PGPEP1L: variants seen among roughly 807,000 people sequenced by gnomAD.
PGPEP1L encodes the protein pyroglutamyl-peptidase I like.
In PGPEP1L, 7 loss-of-function variants were observed where a neutral mutation model predicts 6.0. That is an observed-to-expected ratio of 1.17 (90% CI 0.66 to 2.19). The LOEUF (loss-of-function observed/expected upper bound fraction) is 2.19. Among genes scored for constraint, PGPEP1L ranks in the 30% most tolerant of loss-of-function variants. The pLI is 0.00. For synonymous variants in PGPEP1L, 103 were observed against 83.9 expected (o/e 1.23, Z -1.24); for missense variants, 209 against 192.5 (o/e 1.09, Z -0.51).
chr15:98,970,611 C>G (rs2017479732), intron 3 of PGPEP1L, among the ~76,000 whole-genome samples: 1 of 152,118 alleles, frequency 6.6e-6, no homozygotes. Flanking sequence ...ATAAAATGGG[C>G]TCGTGCTATG....
chr15:98,985,973 A>G (rs930004418), intron 2 of PGPEP1L, among the ~76,000 whole-genome samples: 3 of 152,032 alleles, frequency 2.0e-5, no homozygotes, highest in East Asian at 1.9e-4. Context: ...GCTTTCTTCC[A>G]TATGTTTTTC....
At chr15:98,991,594 C>T (rs1451627450) in intron 2 of PGPEP1L, among the ~76,000 whole-genome samples, 1 of 152,162 alleles carries the variant, frequency 6.6e-6, no homozygotes, top group Non-Finnish European at 1.5e-5. Context: ...TCCTCCCTAA[C>T]TCATTTTAGG....
intron 2 of PGPEP1L, among the ~76,000 whole-genome samples, chr15:98,994,491 T>TA (rs1378331898): frequency 6.7e-6 from 1 of 148,436 alleles, no homozygotes; most frequent in Non-Finnish European, 1.5e-5. Flanking sequence ...TTGCCTCTAA[T>TA]AAAAAATAAA....
Position 98,968,664 on chromosome 15 carries a change from C to G in PGPEP1L, c.243G>C (p.Leu81=). 6.3e-7 allele frequency: 1 copy of G among 1,586,006 alleles called. No homozygotes were observed. Among genetic ancestry groups the G allele is most frequent in the Non-Finnish European group, 8.6e-7 (1 of 1,165,646 alleles). ...GTGCCGCGCAGCCCTTTCCATGATG[C>G]AGAGACAGGTAATAGGTATAATCAC... is the stretch of plus-strand genomic sequence containing the variant. ...YVCDYTYYLS[L]HHGKGCAALI... The change falls in exon 5 of 5, where the codon CTG becomes CTC. Residue 81 remains leucine (L), a synonymous_variant. Transcript: ENST00000535714.
rs78254881 is a variant in PGPEP1L at position 98,969,648 on chromosome 15, C to T, written c.-15G>A. 1.9e-3 allele frequency: 3,125 copies of T among 1,610,754 alleles called. 51 individuals carry two copies. The African/African-American group carries it at 0.034, about 18-fold the overall frequency. On this transcript the variant is annotated 5_prime_UTR_variant, in exon 4 of 5. Transcript: ENST00000535714. ...GCGGTGTCCATGCCCACATGCACGA[C>T]GAGCTGTGTGAACGGGTAACAGCAG...
chr15:98,987,516 C>T (rs916342656), intron 2 of PGPEP1L, among the ~76,000 whole-genome samples: 46 of 152,104 alleles, frequency 3.0e-4, no homozygotes, highest in African/African-American at 9.7e-4. Flanking sequence ...CAGTATCCAG[C>T]GGCATGGGGA....
At chr15:99,001,593 AC>A (rs540625982) in intron 2 of PGPEP1L, among the ~76,000 whole-genome samples, 41 of 152,328 alleles carry the variant, frequency 2.7e-4, no homozygotes, top group African/African-American at 9.9e-4. Flanking sequence ...TAGTTTAAAA[AC>A]TTTTTATAAT....
At chr15:98,988,078 G>A (rs1219743818) in intron 2 of PGPEP1L, among the ~76,000 whole-genome samples, 5 of 152,198 alleles carry the variant, frequency 3.3e-5, no homozygotes, top group African/African-American at 9.7e-5. Flanking sequence ...CAGACACCGA[G>A]CTAGCTGCAG....
rs146636544 is a variant in PGPEP1L at position 98,985,310 on chromosome 15, G to A, written c.-141-14152C>T. Among the ~76,000 whole-genome samples the A allele has an allele frequency of 7.4e-3, 1,126 of 152,236 alleles. 13 individuals are homozygous for A. The highest frequency in any genetic ancestry group is 0.02 in the African/African-American group (844 of 41,558). On this transcript the variant is annotated intron_variant, in intron 2 of 4. Coordinates refer to ENST00000535714, the MANE Select transcript of PGPEP1L (RefSeq NM_001167902.2). ...TCCTAGCACTTTGGGAGGCCAAGGC[G>A]GGAGGATCACCTGAGGTTAGGGGTT... is the stretch of plus-strand genomic sequence containing the variant.
At chr15:98,992,521 C>G (rs1252091318) in intron 2 of PGPEP1L, among the ~76,000 whole-genome samples, 1 of 152,176 alleles carries the variant, frequency 6.6e-6, no homozygotes, top group Non-Finnish European at 1.5e-5. Context: ...GGCCATACTG[C>G]CCAAAGTAAT....
Position 98,995,658 on chromosome 15 carries a change from TG to T in PGPEP1L, c.-142+9770del, listed in dbSNP as rs1268206535. Among the ~76,000 whole-genome samples the T allele has an allele frequency of 1.1e-4, 17 of 152,256 alleles. 1 individual carries two copies. Among genetic ancestry groups the T allele is most frequent in the Admixed American group, 1.0e-3 (16 of 15,282 alleles). ...TTGCAGTGAGCCAAGATGGCACCAC[TG>T]CACTCCAGCCTGGGCGACAGAGCTA... On this transcript the variant is annotated intron_variant, in intron 2 of 4. Transcript: ENST00000535714.
intron 2 of PGPEP1L, among the ~76,000 whole-genome samples, chr15:98,984,629 C>T: frequency 6.6e-6 from 1 of 151,438 alleles, no homozygotes; most frequent in East Asian, 1.9e-4. Context: ...ATTATACCTA[C>T]TATGGACACT....
intron 1 of PGPEP1L, among the ~76,000 whole-genome samples, chr15:99,006,276 G>C (rs1419285828): frequency 6.6e-6 from 1 of 152,198 alleles, no homozygotes; most frequent in Non-Finnish European, 1.5e-5. Flanking sequence ...CACCTAGCTA[G>C]CGTCTGTGCA....
At chr15:98,991,695 A>G (rs963015139) in intron 2 of PGPEP1L, among the ~76,000 whole-genome samples, 4 of 152,228 alleles carry the variant, frequency 2.6e-5, no homozygotes, top group Admixed American at 2.6e-4. Context: ...CATTGATGCA[A>G]AAATCCTCAA....
intron 2 of PGPEP1L, among the ~76,000 whole-genome samples, chr15:99,001,781 G>C (rs2017975443): frequency 6.6e-6 from 1 of 152,140 alleles, no homozygotes; most frequent in East Asian, 1.9e-4. Flanking sequence ...GCAGTGGTGT[G>C]ATCTCAGCTC....
chr15:99,001,183 T>C, intron 2 of PGPEP1L: 2 of 437,780 alleles, frequency 4.6e-6, no homozygotes, highest in Non-Finnish European at 9.2e-6. Context: ...ACTGTAACAC[T>C]CACCACGAGA....
intron 2 of PGPEP1L, among the ~76,000 whole-genome samples, chr15:98,977,787 T>C (rs2017591976): frequency 6.6e-6 from 1 of 152,278 alleles, no homozygotes. Context: ...GACTATTAAC[T>C]GTGAATTTAT....
At chr15:98,979,718 T>TTA (rs2017630190) in intron 2 of PGPEP1L, among the ~76,000 whole-genome samples, 2 of 135,766 alleles carry the variant, frequency 1.5e-5, no homozygotes, top group South Asian at 4.8e-4. Context: ...TGGCACAATC[T>TTA]TGGCTCACCG....
intron 2 of PGPEP1L, among the ~76,000 whole-genome samples, chr15:99,000,278 G>A (rs2663106): frequency 0.72 from 108,856 of 152,176 alleles, 39,266 homozygotes; most frequent in Non-Finnish European, 0.77. Context: ...CCGCCATGCC[G>A]GAGCTCCCCC....
Sources: gnomAD v4.1 joint callset for allele counts (sites outside exome capture counted in the v4.1 genomes callset) on GRCh38, gnomAD v4.1.1 for gene constraint, MANE v1.5 for transcripts, NCBI Gene and HGNC (gene_info 2026-07-23, HGNC 2026-07-21) for gene names.